Variants in MMRN1 observed in about 807,000 individuals in gnomAD.
The protein encoded by MMRN1 is multimerin-1.
MMRN1 carries 94 observed loss-of-function variants against 100.7 expected under a neutral mutation model. The ratio of observed to expected loss-of-function variants is 0.93; its 90% CI spans 0.79 to 1.11. The LOEUF is 1.11. Ranked by LOEUF, MMRN1 falls within the 50% of genes least tolerant of loss-of-function variation. The probability of loss-of-function intolerance (pLI) is 0.00; values close to 1 mark genes in which losing one functional copy is unlikely to be tolerated. For synonymous variants in MMRN1, 575 were observed against 505.0 expected, an observed-to-expected ratio of 1.14 and a Z score of -1.86; for missense variants, 1,606 against 1,439.1, an observed-to-expected ratio of 1.12 and a Z score of -1.88.
chr4:89,921,285 A>G (rs1055690722), intron 3 of MMRN1, among the ~76,000 whole-genome samples: 4 of 152,104 alleles, frequency 2.6e-5, no homozygotes, highest in East Asian at 1.9e-4. Flanking sequence ...CTTAACATTC[A>G]TATTTAAATT....
chr4:89,915,295 G>T (rs1184645580), intron 3 of MMRN1, among the ~76,000 whole-genome samples: 1 of 151,482 alleles, frequency 6.6e-6, no homozygotes, highest in Admixed American at 6.6e-5. Flanking sequence ...ATAAAATTAT[G>T]ATGCATTTAG....
intron 3 of MMRN1, among the ~76,000 whole-genome samples, chr4:89,915,230 A>G (rs1721874773): frequency 6.6e-6 from 1 of 151,662 alleles, no homozygotes; most frequent in African/African-American, 2.4e-5. Flanking sequence ...TCCCAGCAGT[A>G]GCAAATGCTT....
chr4:89,925,946 T>C (rs1722245103), intron 4 of MMRN1, among the ~76,000 whole-genome samples: 1 of 152,220 alleles, frequency 6.6e-6, no homozygotes, highest in African/African-American at 2.4e-5. Context: ...TCCAGTTCCA[T>C]CCATGTTGTT....
upstream of MMRN1, among the ~76,000 whole-genome samples, chr4:89,892,186 T>G (rs546414755): frequency 4.7e-4 from 71 of 151,960 alleles, no homozygotes; most frequent in African/African-American, 1.6e-3. Context: ...AAAAATCTCC[T>G]GATAACTCAT....
intron 3 of MMRN1, among the ~76,000 whole-genome samples, chr4:89,920,138 T>C (rs1381880369): frequency 6.6e-6 from 1 of 152,184 alleles, no homozygotes. Flanking sequence ...TATTATAATT[T>C]GTATAACTCA....
intron 3 of MMRN1, among the ~76,000 whole-genome samples, chr4:89,912,405 A>G (rs1321514568): frequency 1.3e-5 from 2 of 151,400 alleles, no homozygotes; most frequent in Non-Finnish European, 1.5e-5. Flanking sequence ...GTGACTCAAT[A>G]TAAAAATAAG....
Position 89,936,748 on chromosome 4 carries a change from C to G in MMRN1, c.3068C>G (p.Thr1023Arg). ...ALKKPTVNLT[T>R]VLIGRTQRNT... ...AAGAAACCAACGGTAAATCTTACCA[C>G]AGTCCTGATAGGCCGGACTCAAAGA... Residue 1023 changes from threonine (T) to arginine (R), a missense_variant, in exon 6 of 8, where the codon ACA becomes AGA. Coordinates refer to ENST00000264790, the MANE Select transcript of MMRN1 (RefSeq NM_007351.3). 1 of 1,612,140 alleles carries G rather than the reference C, an allele frequency of 6.2e-7. No homozygotes were observed.
At chr4:89,948,377 A>G (rs1223615529) in intron 6 of MMRN1, among the ~76,000 whole-genome samples, 1 of 152,226 alleles carries the variant, frequency 6.6e-6, no homozygotes, top group Non-Finnish European at 1.5e-5. Flanking sequence ...ACATCTATAC[A>G]GAATAAAACT....
chr4:89,925,061 A>T (rs1722205358), intron 4 of MMRN1, among the ~76,000 whole-genome samples: 1 of 152,060 alleles, frequency 6.6e-6, no homozygotes, highest in South Asian at 2.1e-4. Flanking sequence ...CAATTAAATT[A>T]TTATTGACTA....
At chr4:89,895,931 C>A (rs138376862) in intron 1 of MMRN1, among the ~76,000 whole-genome samples, 6 of 152,160 alleles carry the variant, frequency 3.9e-5, no homozygotes, top group Middle Eastern at 3.4e-3. Context: ...TGTTCCCAAC[C>A]ATATTCACAA....
chr4:89,922,173 C>T (rs781163108), intron 3 of MMRN1, among the ~76,000 whole-genome samples: 6 of 152,078 alleles, frequency 3.9e-5, no homozygotes, highest in Admixed American at 6.5e-5. Context: ...GATGCCATCT[C>T]GGCTCACTGC....
upstream of MMRN1, among the ~76,000 whole-genome samples, chr4:89,891,312 C>A (rs1721049141): frequency 6.6e-6 from 1 of 151,832 alleles, no homozygotes; most frequent in Non-Finnish European, 1.5e-5. Context: ...TGAAATAGAG[C>A]CCTCTTCAAC....
At chr4:89,930,327 A>T (rs902153935) in intron 5 of MMRN1, among the ~76,000 whole-genome samples, 2 of 152,176 alleles carry the variant, frequency 1.3e-5, no homozygotes, top group Non-Finnish European at 1.5e-5. Flanking sequence ...ATTTTTCCAT[A>T]AAAGTGTTAA....
chr4:89,937,367 A>AAGCT (rs1394207141), intron 6 of MMRN1, among the ~76,000 whole-genome samples: 1 of 152,048 alleles, frequency 6.6e-6, no homozygotes, highest in African/African-American at 2.4e-5. Context: ...CAGAAGCATG[A>AAGCT]AGCTAGCAAT....
chr4:89,887,964 A>T (rs1720973414), intron 1 of MMRN1, among the ~76,000 whole-genome samples: 1 of 151,890 alleles, frequency 6.6e-6, no homozygotes, highest in Admixed American at 6.6e-5. Flanking sequence ...ATTTCCTCCA[A>T]TTATAGGTAT....
At chr4:89,949,381 A>G (rs912796104) in intron 6 of MMRN1, among the ~76,000 whole-genome samples, 1 of 152,204 alleles carries the variant, frequency 6.6e-6, no homozygotes, top group Non-Finnish European at 1.5e-5. Context: ...AGTGAAACCC[A>G]TTAATTGAAA....
At chr4:89,948,288 G>A (rs565881422) in intron 6 of MMRN1, among the ~76,000 whole-genome samples, 23 of 152,102 alleles carry the variant, frequency 1.5e-4, no homozygotes, top group South Asian at 6.2e-4. Flanking sequence ...TTTCTAGTAC[G>A]TATTTTTATC....
At position 89,895,176 on chromosome 4, in the gene MMRN1, C is replaced by A; in HGVS notation, c.205C>A (p.Pro69Thr). The A allele has an allele frequency of 6.2e-7, 1 of 1,613,830 alleles. No homozygotes were observed. The highest frequency in any genetic ancestry group is 1.1e-5 in the South Asian group (1 of 91,074). The stretch of plus-strand genomic sequence containing the variant: ...CATGTCGGCGGAGATAGCTACAACT[C>A]CAGAGGCAAGAACTTCTGAAGACAG... Reference protein sequence around the residue: ...RVMSAEIATTPEARTSEDSLL... With the variant: ...RVMSAEIATTTEARTSEDSLL... Residue 69 changes from proline to threonine, a missense_variant, in exon 1 of 8, where the codon CCA becomes ACA. Transcript: ENST00000264790.
intron 5 of MMRN1, among the ~76,000 whole-genome samples, chr4:89,933,717 A>AC: frequency 6.6e-6 from 1 of 151,884 alleles, no homozygotes; most frequent in Non-Finnish European, 1.5e-5. Flanking sequence ...GAAAAAACCC[A>AC]CCCCCGTGAT....
Sources: allele counts gnomAD v4.1 joint callset (sites outside exome capture counted in the v4.1 genomes callset), GRCh38; gene constraint gnomAD v4.1.1; transcripts MANE v1.5; gene names NCBI Gene and HGNC (gene_info 2026-07-23, HGNC 2026-07-21).